The following PARL variants were observed in gnomAD, a reference collection of about 807,000 sequenced individuals.
PARL encodes presenilin associated rhomboid like, also known as presenilin-associated rhomboid-like protein, mitochondrial.
A neutral mutation model predicts 51.6 loss-of-function variants in PARL; 44 were observed. That is an observed-to-expected ratio of 0.85 (90% CI 0.67 to 1.10). The LOEUF (loss-of-function observed/expected upper bound fraction) is 1.10, where lower values mean the gene tolerates loss of function less well. Ranked by LOEUF, PARL falls within the 50% of genes least tolerant of loss-of-function variation. The pLI is 0.00. For synonymous variants in PARL, 172 were observed against 164.0 expected, an observed-to-expected ratio of 1.05 and a Z score of -0.37; for missense variants, 441 against 469.5, an observed-to-expected ratio of 0.94 and a Z score of 0.56.
At chr3:183,853,242 G>A (rs1343724140) in intron 4 of PARL, among the ~76,000 whole-genome samples, 1 of 152,116 alleles carries the variant, frequency 6.6e-6, no homozygotes, top group Non-Finnish European at 1.5e-5. Context: ...TCTGAAAAGG[G>A]GGTGATATCA....
Position 183,884,790 on chromosome 3 carries a change from C to A in PARL, c.57G>T (p.Ala19=). 2 of 1,592,584 alleles carry A rather than the reference C, an allele frequency of 1.3e-6. No homozygotes were observed. The highest frequency in any genetic ancestry group is 1.7e-6 in the Non-Finnish European group (2 of 1,176,114). Residue 19 remains alanine (A), a synonymous_variant, in exon 1 of 10, where the codon GCG becomes GCT. Coordinates refer to ENST00000317096, the MANE Select transcript of PARL (RefSeq NM_018622.7). ...RGWGCGQAWG[A]SVGGRSCEEL... ...CCTCGCAGCTGCGGCCGCCCACCGA[C>A]GCACCCCACGCCTGGCCGCAGCCCC... is the stretch of plus-strand genomic sequence containing the variant.
chr3:183,865,661 T>A (rs1732386345), intron 3 of PARL, among the ~76,000 whole-genome samples: 1 of 152,094 alleles, frequency 6.6e-6, no homozygotes, highest in African/African-American at 2.4e-5. Context: ...TCTGCCCCCC[T>A]GCAACCCCGA....
At chr3:183,844,557 T>G in intron 4 of PARL, 1 of 498,710 alleles carries the variant, frequency 2.0e-6, no homozygotes, top group East Asian at 3.6e-5. Context: ...CTCTGGGAGC[T>G]AACTTCCTTT....
Position 183,842,451 on chromosome 3 carries a change from CAA to C in PARL, c.608-6_608-5del, listed in dbSNP as rs771072821. ...AACATTGGAGAACAAAGGACCTCTACAAGAGAGAGAAACATAGTCTGGTAATC... is the reference window on the plus strand; with the variant it reads ...AACATTGGAGAACAAAGGACCTCTACGAGAGAGAAACATAGTCTGGTAATC... On this transcript the variant is annotated splice_region_variant and splice_polypyrimidine_tract_variant and intron_variant, in intron 5 of 9. Transcript: ENST00000317096. 1.4e-5 allele frequency: 23 copies of C among 1,611,342 alleles called. No individual in the cohort carries two copies. The highest frequency in any genetic ancestry group is 1.6e-4 in the Middle Eastern group (1 of 6,080).
chr3:183,859,135 C>A (rs997855292), intron 4 of PARL, among the ~76,000 whole-genome samples: 9 of 152,034 alleles, frequency 5.9e-5, no homozygotes, highest in African/African-American at 1.7e-4. Flanking sequence ...GAAACCCCGT[C>A]TCTACTAAAA....
At chr3:183,874,010 A>G (rs1364315210) in intron 1 of PARL, among the ~76,000 whole-genome samples, 2 of 152,182 alleles carry the variant, frequency 1.3e-5, no homozygotes, top group African/African-American at 2.4e-5. Flanking sequence ...TTGTTACACA[A>G]ATTGAAGGTT....
intron 4 of PARL, among the ~76,000 whole-genome samples, chr3:183,854,599 C>T (rs543867384): frequency 4.0e-5 from 6 of 151,732 alleles, no homozygotes; most frequent in African/African-American, 1.2e-4. Context: ...AAAAAGGGGA[C>T]GTATTGTTTA....
intron 4 of PARL, among the ~76,000 whole-genome samples, chr3:183,848,573 G>A (rs1290543035): frequency 4.6e-5 from 7 of 152,186 alleles, no homozygotes; most frequent in Non-Finnish European, 1.0e-4. Flanking sequence ...CTTGAAAACC[G>A]AGGTAGCTGG....
At chr3:183,831,682 G>T (rs1727956706) in intron 9 of PARL, among the ~76,000 whole-genome samples, 1 of 152,130 alleles carries the variant, frequency 6.6e-6, no homozygotes, top group Non-Finnish European at 1.5e-5. Flanking sequence ...GGCAAAGTCA[G>T]GGAAATGTAT....
At chr3:183,839,383 A>G (rs1729022927) in intron 7 of PARL, among the ~76,000 whole-genome samples, 1 of 152,138 alleles carries the variant, frequency 6.6e-6, no homozygotes, top group Admixed American at 6.5e-5. Flanking sequence ...CTGCCATTAA[A>G]CTCAAAAGAC....
chr3:183,840,777 TG>T (rs1207267343), intron 6 of PARL, 137 bp from the exon 7 acceptor site: 1 of 596,022 alleles, frequency 1.7e-6, no homozygotes, highest in Non-Finnish European at 3.0e-6. Context: ...GGTACAATTT[TG>T]GCTCACTGCA....
chr3:183,884,750 G>T lies in PARL; in HGVS notation c.97C>A (p.Leu33Ile). The T allele has an allele frequency of 1.3e-6, 2 of 1,579,252 alleles. No homozygotes were observed. Among genetic ancestry groups the T allele is most frequent in the South Asian group, 1.1e-5 (1 of 88,082 alleles). ...CGTCCGAGGAGCTGCGGCGGGGTTA[G>T]GACCGCAGTGAGCTCCTCGCAGCTG... ...GRSCEELTAV[L>I]TPPQLLGRRF... Residue 33 changes from leucine to isoleucine, a missense_variant, in exon 1 of 10, where the codon CTA (leucine) becomes ATA (isoleucine). Coordinates refer to ENST00000317096, the MANE Select transcript of PARL (RefSeq NM_018622.7).
intron 5 of PARL, chr3:183,843,228 C>A (rs1729553426): frequency 1.0e-6 from 1 of 985,282 alleles, no homozygotes. Context: ...CTTAATAAAT[C>A]TCTTTTCTAC....
chr3:183,869,019 T>C (rs1732863606), intron 1 of PARL, among the ~76,000 whole-genome samples: 1 of 152,178 alleles, frequency 6.6e-6, no homozygotes, highest in South Asian at 2.1e-4. Context: ...TAGTCCTAGC[T>C]TCTGTAACAG....
At chr3:183,874,840 G>A (rs1346281526) in intron 1 of PARL, among the ~76,000 whole-genome samples, 1 of 152,188 alleles carries the variant, frequency 6.6e-6, no homozygotes, top group Non-Finnish European at 1.5e-5. Flanking sequence ...GGGAAGCTAA[G>A]GCAGGAAGAT....
In PARL at chr3:183,840,465, A is replaced by G. The variant is rs1016223403; in HGVS notation, c.828+105T>C. 5 of 632,302 alleles carry G rather than the reference A, an allele frequency of 7.9e-6. No individual in the cohort carries two copies. The East Asian group carries it at 1.4e-4, about 18-fold the overall frequency. 39.2% of individuals were successfully genotyped at this position (632,302 alleles called of 1,614,324 possible). A position where few individuals can be genotyped will look rare whatever the true frequency, so the allele number is the denominator to read the frequency against. On this transcript the variant is annotated intron_variant, in intron 7 of 9. Transcript: ENST00000317096. ...GTTAGTTAACAGTAGGGTGAAGGGT[A>G]TATGAGAACCTCTTATCAATTTTAC...
chr3:183,832,241 CAG>C (rs1469502979), intron 9 of PARL, among the ~76,000 whole-genome samples: 1 of 148,358 alleles, frequency 6.7e-6, no homozygotes, highest in Non-Finnish European at 1.5e-5. Context: ...TTTTTTGAGA[CAG>C]AGTCTCACTT....
chr3:183,831,125 A>G (rs1444376203), intron 9 of PARL, among the ~76,000 whole-genome samples: 4 of 152,062 alleles, frequency 2.6e-5, no homozygotes, highest in African/African-American at 9.7e-5. Flanking sequence ...ACAGGCATGC[A>G]CCACCACGCC....
At position 183,866,807 on chromosome 3, in the gene PARL, A is replaced by T. The variant is rs773794556; in HGVS notation, c.322-42T>A. 6 of 1,332,834 alleles carry T rather than the reference A, an allele frequency of 4.5e-6. No individual in the cohort carries two copies. In the South Asian group the frequency reaches 7.2e-5, roughly 16 times the overall value. The allele number at this position is 1,332,834 out of a possible 1,614,324, so 82.6% of individuals were successfully genotyped here. On this transcript the variant is annotated intron_variant, in intron 2 of 9. Transcript: ENST00000317096. ...ATATTACAAAATAGATTTAAGAGGG[A>T]AATAGATCTATACATTATTTCCAAG...
Sources: gnomAD v4.1 joint callset for allele counts (sites outside exome capture counted in the v4.1 genomes callset) on GRCh38, gnomAD v4.1.1 for gene constraint, MANE v1.5 for transcripts, NCBI Gene and HGNC (gene_info 2026-07-23, HGNC 2026-07-21) for gene names.